RHOBTB1: variants seen among roughly 807,000 people sequenced by gnomAD.
The protein encoded by RHOBTB1 is Rho related BTB domain containing 1.
In RHOBTB1, 40 loss-of-function variants were observed where a neutral mutation model predicts 71.6. The observed-to-expected ratio is 0.56, with a 90% confidence interval of 0.43 to 0.73. RHOBTB1 has a LOEUF of 0.73. Among genes scored for constraint, RHOBTB1 ranks in the 30% least tolerant of loss-of-function variants. The probability of loss-of-function intolerance (pLI) is 0.00; values close to 1 mark genes in which losing one functional copy is unlikely to be tolerated. For synonymous variants in RHOBTB1, 319 were observed against 334.9 expected, an observed-to-expected ratio of 0.95 and a Z score of 0.52; for missense variants, 797 against 894.0, an observed-to-expected ratio of 0.89 and a Z score of 1.38.
Position 60,911,103 on chromosome 10 carries a change from T to C in RHOBTB1, c.193-113A>G, listed in dbSNP as rs552050934. 3.4e-4 allele frequency: 293 copies of C among 854,728 alleles called. 1 individual carries two copies. The South Asian group carries it at 4.3e-3, about 12-fold the overall frequency. 52.9% of individuals were successfully genotyped at this position (854,728 alleles called of 1,614,324 possible). A position where few individuals can be genotyped will look rare whatever the true frequency, so the allele number is the denominator to read the frequency against. Reference sequence around the variant, plus strand: ...TCAATTCACTTGCATTAAGTTTCCTTATTCTATCTGACGGGATTTAAGCTA... The same window carrying C: ...TCAATTCACTTGCATTAAGTTTCCTCATTCTATCTGACGGGATTTAAGCTA... On this transcript the variant is annotated intron_variant, in intron 3 of 10. Coordinates refer to ENST00000337910, the MANE Select transcript of RHOBTB1 (RefSeq NM_014836.5).
At chr10:60,966,215 G>T (rs541771389) in intron 2 of RHOBTB1, among the ~76,000 whole-genome samples, 14 of 151,896 alleles carry the variant, frequency 9.2e-5, no homozygotes, top group African/African-American at 3.4e-4. Context: ...TTAGGATTAT[G>T]AGTAATTTCT....
chr10:60,863,330 A>G, the RHOBTB1 span, among the ~76,000 whole-genome samples: 1 of 152,082 alleles, frequency 6.6e-6, no homozygotes, highest in Non-Finnish European at 1.5e-5. Flanking sequence ...CAATGAATTT[A>G]TTTTTTGATC....
intron 7 of RHOBTB1, among the ~76,000 whole-genome samples, chr10:60,878,992 T>C (rs1369055965): frequency 6.6e-6 from 1 of 152,240 alleles, no homozygotes; most frequent in Non-Finnish European, 1.5e-5. Context: ...AGGCATCCTA[T>C]GCACCAGGCA....
intron 2 of RHOBTB1, among the ~76,000 whole-genome samples, chr10:60,957,671 A>C (rs1013012221): frequency 6.6e-6 from 1 of 152,220 alleles, no homozygotes; most frequent in African/African-American, 2.4e-5. Flanking sequence ...GGTAAAAGAA[A>C]AAAAAAAGGT....
chr10:60,988,979 A>G (rs1223634277), intron 1 of RHOBTB1, among the ~76,000 whole-genome samples: 3 of 152,186 alleles, frequency 2.0e-5, no homozygotes, highest in Non-Finnish European at 4.4e-5. Flanking sequence ...AGCTAGGGAA[A>G]CCTTGCTTTA....
chr10:60,989,061 A>G (rs1055780101), intron 1 of RHOBTB1, among the ~76,000 whole-genome samples: 3 of 152,192 alleles, frequency 2.0e-5, no homozygotes, highest in Non-Finnish European at 4.4e-5. Flanking sequence ...GATTTTTTTC[A>G]GTCAAATATC....
At chr10:60,868,391 C>T (rs116892752), downstream of RHOBTB1, among the ~76,000 whole-genome samples, 503 of 152,282 alleles carry the variant, frequency 3.3e-3, 2 homozygotes, top group Middle Eastern at 0.01. Context: ...AGCTTGCAGG[C>T]AAGCATTCAT....
chr10:60,888,637 T>C lies in RHOBTB1; in HGVS notation c.1031A>G (p.Asp344Gly). The stretch of plus-strand genomic sequence containing the variant: ...GCTCTTGTTTGAAGACTTCCACTGG[T>C]CGGCCTGAGGAATCCTAGGCGGGCC... ...EEGPPRIPQA[D>G]QWKSSNKSLV... The change falls in exon 6 of 11, where the codon GAC becomes GGC. Residue 344 changes from aspartate to glycine, a missense_variant. By Grantham distance (94) the Asp-to-Gly change is moderately conservative. This residue lies in a region of RHOBTB1 where 658 missense variants were observed against 681.5 expected (regional missense o/e 0.97). Coordinates refer to ENST00000337910, the MANE Select transcript of RHOBTB1 (RefSeq NM_014836.5). The C allele has an allele frequency of 6.2e-7, 1 of 1,614,188 alleles. No individual in the cohort carries two copies. The highest frequency in any genetic ancestry group is 8.5e-7 in the Non-Finnish European group (1 of 1,180,048).
At chr10:60,922,961 G>A (rs998812181) in intron 2 of RHOBTB1, among the ~76,000 whole-genome samples, 5 of 152,100 alleles carry the variant, frequency 3.3e-5, no homozygotes, top group Admixed American at 2.6e-4. Flanking sequence ...CCTCACTGTT[G>A]TCCTTAATTC....
upstream of RHOBTB1, among the ~76,000 whole-genome samples, chr10:60,946,257 A>G (rs1254743289): frequency 6.6e-6 from 1 of 152,186 alleles, no homozygotes; most frequent in Non-Finnish European, 1.5e-5. Context: ...AACAAAATAC[A>G]TTCTTTTCAG....
chr10:60,908,186 T>C (rs2082777470), intron 4 of RHOBTB1, among the ~76,000 whole-genome samples: 1 of 152,216 alleles, frequency 6.6e-6, no homozygotes, highest in Admixed American at 6.5e-5. Flanking sequence ...GAATCCTCTC[T>C]GCAAACTAGA....
At chr10:60,939,591 G>C (rs943694499) in intron 2 of RHOBTB1, among the ~76,000 whole-genome samples, 3 of 151,986 alleles carry the variant, frequency 2.0e-5, no homozygotes, top group Non-Finnish European at 4.4e-5. Flanking sequence ...TTTTGTTTTG[G>C]TGTTGTGATG....
Position 60,987,845 on chromosome 10 carries a change from C to G in RHOBTB1, c.-162-1900G>C, listed in dbSNP as rs189600451. 1.7e-4 allele frequency among the ~76,000 whole-genome samples: 26 copies of G among 151,896 alleles called. No homozygotes were observed. The South Asian group carries it at 1.9e-3, about 11-fold the overall frequency. ...CCTCACTATCAAATGCTCTCCACCC[C>G]CTAACCCCTGACAAAAGTTGTTTCC... On this transcript the variant is annotated intron_variant, in intron 1 of 11. Coordinates refer to the RHOBTB1 transcript ENST00000357917.
intron 6 of RHOBTB1, among the ~76,000 whole-genome samples, chr10:60,887,467 G>A (rs2081641248): frequency 6.6e-6 from 1 of 152,216 alleles, no homozygotes; most frequent in South Asian, 2.1e-4. Flanking sequence ...AACAAAAATA[G>A]TCCAAGTGTA....
intron 6 of RHOBTB1, among the ~76,000 whole-genome samples, chr10:60,887,083 A>T (rs996747713): frequency 1.3e-5 from 2 of 152,004 alleles, no homozygotes; most frequent in Non-Finnish European, 2.9e-5. Flanking sequence ...TTTAAAAAAA[A>T]AAAAACAGAA....
the RHOBTB1 span, among the ~76,000 whole-genome samples, chr10:60,862,176 C>CTTTT: frequency 8.8e-5 from 13 of 146,934 alleles, no homozygotes; most frequent in East Asian, 2.6e-3. Flanking sequence ...CTCTTTCTTT[C>CTTTT]TTTTCTTTTT....
intron 1 of RHOBTB1, among the ~76,000 whole-genome samples, chr10:60,986,418 TATATATATATATAA>T (rs1344723836): frequency 8.6e-4 from 125 of 144,764 alleles, no homozygotes; most frequent in African/African-American, 2.8e-3. Flanking sequence ...TATATATATA[TATATATATATATAA>T]AATATATATA....
chr10:60,886,217 T>C lies in RHOBTB1; in HGVS notation c.1470A>G (p.Lys490=), dbSNP rs964720498. 6.2e-7 allele frequency: 1 copy of C among 1,613,894 alleles called. No homozygotes were observed. Among genetic ancestry groups the C allele is most frequent in the Non-Finnish European group, 8.5e-7 (1 of 1,179,836 alleles). ...SKGTFSDVTF[K]LDDGAISAHK... is the part of the protein sequence containing the mutation. ...GGGCACTGATGGCTCCATCGTCCAA[T>C]TTAAATGTCACGTCTGCCAAGGGAT... Residue 490 remains lysine (K), a synonymous_variant, in exon 7 of 11, where the codon AAA becomes AAG. Coordinates refer to ENST00000337910, the MANE Select transcript of RHOBTB1 (RefSeq NM_014836.5).
At chr10:60,872,671 T>C (rs2080855937) in intron 9 of RHOBTB1, among the ~76,000 whole-genome samples, 2 of 148,410 alleles carry the variant, frequency 1.3e-5, no homozygotes, top group African/African-American at 2.5e-5. Context: ...GCCTCCGCAA[T>C]GGAATACTTC....
Sources: allele counts gnomAD v4.1 joint callset (sites outside exome capture counted in the v4.1 genomes callset), GRCh38; gene constraint gnomAD v4.1.1; regional missense constraint gnomAD v4.1.1; transcripts MANE v1.5; gene names NCBI Gene and HGNC (gene_info 2026-07-23, HGNC 2026-07-21).